Variants in RANBP2 observed in about 807,000 individuals in gnomAD.
RANBP2 encodes E3 SUMO-protein ligase RanBP2.
RANBP2 carries 57 observed loss-of-function variants against 303.6 expected under a neutral mutation model. That is an observed-to-expected ratio of 0.19 (90% CI 0.15 to 0.23). RANBP2 has a LOEUF of 0.23. RANBP2 is among the 10% of genes least tolerant of loss of function. The pLI is 1.00. For missense variants in RANBP2, 3,138 were observed against 3,780.8 expected (o/e 0.83, Z 4.46); for synonymous variants, 1,167 against 1,301.5 (o/e 0.90, Z 2.23).
At chr2:109,400,568 C>G in the RANBP2 span, among the ~76,000 whole-genome samples, 1 of 137,996 alleles carries the variant, frequency 7.2e-6, no homozygotes, top group Non-Finnish European at 1.6e-5. Context: ...CACATACACA[C>G]CTGTGCGCAC....
At chr2:109,352,165 A>T in the RANBP2 span, among the ~76,000 whole-genome samples, 2 of 152,316 alleles carry the variant, frequency 1.3e-5, no homozygotes, top group South Asian at 4.1e-4. Context: ...TTTAAAACCC[A>T]AGCTCAAAAT....
the RANBP2 span, chr2:109,585,439 A>C: frequency 1.2e-6 from 1 of 836,620 alleles, no homozygotes; most frequent in Non-Finnish European, 1.9e-6. Flanking sequence ...GGTGCGCATG[A>C]AAGAAATACA....
the RANBP2 span, among the ~76,000 whole-genome samples, chr2:109,056,321 C>T: frequency 1.3e-5 from 2 of 152,182 alleles, no homozygotes; most frequent in African/African-American, 2.4e-5. Context: ...TGCAGGCCAC[C>T]ATGCCTCACT....
At chr2:108,835,407 C>G in the RANBP2 span, among the ~76,000 whole-genome samples, 2 of 152,022 alleles carry the variant, frequency 1.3e-5, no homozygotes, top group Non-Finnish European at 1.5e-5. Flanking sequence ...GGATATTAAT[C>G]CTCTATTTCT....
chr2:109,496,567 C>T, the RANBP2 span, among the ~76,000 whole-genome samples: 300 of 152,306 alleles, frequency 2.0e-3, 4 homozygotes, highest in East Asian at 0.045. Flanking sequence ...ACGGCCTGGC[C>T]GACTCCTGCC....
the RANBP2 span, among the ~76,000 whole-genome samples, chr2:109,369,609 A>G: frequency 2.1e-4 from 32 of 152,250 alleles, no homozygotes; most frequent in East Asian, 4.6e-3. Flanking sequence ...GAGGGGTGTG[A>G]TTGCCTCTGG....
chr2:108,998,301 G>C, the RANBP2 span, among the ~76,000 whole-genome samples: 1 of 152,160 alleles, frequency 6.6e-6, no homozygotes, highest in African/African-American at 2.4e-5. Flanking sequence ...GCTGTTTCCA[G>C]GGTCCCACTG....
At chr2:109,041,903 T>C in the RANBP2 span, among the ~76,000 whole-genome samples, 4 of 152,146 alleles carry the variant, frequency 2.6e-5, no homozygotes, top group Non-Finnish European at 5.9e-5. Flanking sequence ...ATATTATATG[T>C]TCTCCTTTAT....
the RANBP2 span, among the ~76,000 whole-genome samples, chr2:109,579,646 G>A: frequency 6.6e-6 from 1 of 151,062 alleles, no homozygotes; most frequent in Non-Finnish European, 1.5e-5. Flanking sequence ...GCCTCCCAAA[G>A]TGCTGGGATT....
the RANBP2 span, among the ~76,000 whole-genome samples, chr2:108,908,549 T>A: frequency 6.6e-6 from 1 of 152,060 alleles, no homozygotes; most frequent in Admixed American, 6.6e-5. Flanking sequence ...GGCTGACCTG[T>A]GTGCATTGCA....
the RANBP2 span, among the ~76,000 whole-genome samples, chr2:109,011,613 C>T: frequency 6.6e-6 from 1 of 152,160 alleles, no homozygotes; most frequent in Non-Finnish European, 1.5e-5. Flanking sequence ...GCTGCGTCCT[C>T]TCTCTATGGA....
chr2:109,360,894 T>G, the RANBP2 span, among the ~76,000 whole-genome samples: 1 of 152,236 alleles, frequency 6.6e-6, no homozygotes, highest in Non-Finnish European at 1.5e-5. Context: ...TGCCTTGTCC[T>G]TGATCTTAGT....
At chr2:109,034,909 A>G in the RANBP2 span, among the ~76,000 whole-genome samples, 1 of 152,198 alleles carries the variant, frequency 6.6e-6, no homozygotes, top group Admixed American at 6.5e-5. Flanking sequence ...TGAAAAGGGC[A>G]TGGGAAATAT....
the RANBP2 span, among the ~76,000 whole-genome samples, chr2:109,333,456 C>T: frequency 6.6e-6 from 1 of 152,312 alleles, no homozygotes; most frequent in South Asian, 2.1e-4. Context: ...TCATCCTGGA[C>T]TTGAGATCAC....
the RANBP2 span, among the ~76,000 whole-genome samples, chr2:109,593,397 A>C: frequency 6.7e-6 from 1 of 149,396 alleles, no homozygotes; most frequent in African/African-American, 2.5e-5. Context: ...TTACAAGTAG[A>C]GAGAGAAAGA....
At chr2:109,135,299 C>T in the RANBP2 span, among the ~76,000 whole-genome samples, 6 of 152,164 alleles carry the variant, frequency 3.9e-5, no homozygotes, top group African/African-American at 1.4e-4. Flanking sequence ...CGGTGGCCTG[C>T]CACCTCCCCC....
chr2:109,593,000 C>A, the RANBP2 span: 3 of 1,269,876 alleles, frequency 2.4e-6, no homozygotes, highest in South Asian at 3.7e-5. Flanking sequence ...ATTTTAAAAT[C>A]ATAGAAGCAT....
At chr2:108,782,915 C>G (rs1678354794) in intron 28 of RANBP2, 53 bp downstream of exon 28, 4 of 1,465,562 alleles carry the variant, frequency 2.7e-6, no homozygotes, top group Admixed American at 1.7e-5. Context: ...GTGCACCACA[C>G]TAATGGGAAA....
the RANBP2 span, among the ~76,000 whole-genome samples, chr2:109,190,711 T>G: frequency 6.6e-6 from 1 of 152,146 alleles, no homozygotes; most frequent in East Asian, 1.9e-4. Context: ...CAAAAAAATT[T>G]GCTAGGTGTT....
Sources: gnomAD v4.1 joint callset for allele counts (sites outside exome capture counted in the v4.1 genomes callset) on GRCh38, gnomAD v4.1.1 for gene constraint, MANE v1.5 for transcripts, NCBI Gene and HGNC (gene_info 2026-07-23, HGNC 2026-07-21) for gene names.